The following CCDC190 variants were observed in gnomAD, a reference collection of about 807,000 sequenced individuals.
The protein encoded by CCDC190 is coiled-coil domain-containing protein 190.
A neutral mutation model predicts 13.1 loss-of-function variants in CCDC190; 10 were observed. The ratio of observed to expected loss-of-function variants is 0.77; its 90% CI spans 0.47 to 1.30. The LOEUF (loss-of-function observed/expected upper bound fraction) is 1.30, where lower values mean the gene tolerates loss of function less well. Ranked by LOEUF, CCDC190 falls within the 50% of genes most tolerant of loss-of-function variation. The probability of loss-of-function intolerance (pLI) is 0.00; values close to 1 mark genes in which losing one functional copy is unlikely to be tolerated. For missense variants in CCDC190, 375 were observed against 354.3 expected (o/e 1.06, Z -0.47); for synonymous variants, 136 against 127.2 (o/e 1.07, Z -0.47).
At chr1:162,857,330 T>G (rs1021562954) in intron 2 of CCDC190, among the ~76,000 whole-genome samples, 6 of 152,194 alleles carry the variant, frequency 3.9e-5, no homozygotes, top group African/African-American at 7.2e-5. Flanking sequence ...CAGAATTATC[T>G]TTTTAACATT....
intron 1 of CCDC190, among the ~76,000 whole-genome samples, 161 bp from the exon 2 acceptor site, chr1:162,859,819 C>T (rs972079913): frequency 6.6e-6 from 1 of 152,034 alleles, no homozygotes; most frequent in Admixed American, 6.6e-5. Context: ...TCCAGAGTAA[C>T]ACAGAAGGAT....
chr1:162,861,628 A>G (rs539318892), upstream of CCDC190, among the ~76,000 whole-genome samples: 59 of 152,304 alleles, frequency 3.9e-4, no homozygotes, highest in Non-Finnish European at 6.8e-4. Flanking sequence ...GCCTTTCCAC[A>G]TGCTCAGAGC....
Position 162,851,997 on chromosome 1 carries a change from T to G in CCDC190, c.*2768A>C, listed in dbSNP as rs1432041229. 1 of 152,204 alleles carries G rather than the reference T, an allele frequency of 6.6e-6. No individual in the cohort carries two copies. The highest frequency in any genetic ancestry group is 2.4e-5 in the African/African-American group (1 of 41,450). The allele number at this position is 152,204 out of a possible 1,614,324, so 9.4% of individuals were successfully genotyped here. A position where few individuals can be genotyped will look rare whatever the true frequency, so the allele number is the denominator to read the frequency against. On this transcript the variant is annotated 3_prime_UTR_variant, in exon 4 of 4. Coordinates refer to ENST00000367912, the MANE Select transcript of CCDC190 (RefSeq NM_001394065.1). ...CATTCTGGTATGGAGAAAGCTATTT[T>G]ACTTATCATGAGCCTCAATTTCTTT... is the stretch of plus-strand genomic sequence containing the variant.
In CCDC190 at chr1:162,852,900, G is replaced by C. The variant is rs1252130509; in HGVS notation, c.*1865C>G. 1.8e-6 allele frequency: 1 copy of C among 558,452 alleles called. No homozygotes were observed. The highest frequency in any genetic ancestry group is 2.3e-5 in the South Asian group (1 of 43,476). The allele number at this position is 558,452 out of a possible 1,614,324, so 34.6% of individuals were successfully genotyped here. A position where few individuals can be genotyped will look rare whatever the true frequency, so the allele number is the denominator to read the frequency against. ...TGTGATGACGATAGGCAAGGCTTGC[G>C]TAGAAGACAAGAAGAAAGAACTTTT... is the stretch of plus-strand genomic sequence containing the variant. On this transcript the variant is annotated 3_prime_UTR_variant, in exon 4 of 4. Transcript: ENST00000367912.
rs1465680248 is a variant in CCDC190 at position 162,851,718 on chromosome 1, A to T, written c.*3047T>A. 6.6e-6 allele frequency: 1 copy of T among 151,836 alleles called. No individual in the cohort carries two copies. The highest frequency in any genetic ancestry group is 1.5e-5 in the Non-Finnish European group (1 of 67,960). The allele number at this position is 151,836 out of a possible 1,614,324, so 9.4% of individuals were successfully genotyped here. On this transcript the variant is annotated 3_prime_UTR_variant, in exon 4 of 4. Coordinates refer to ENST00000367912, the MANE Select transcript of CCDC190 (RefSeq NM_001394065.1). ...TGGGGGAGGAAATGGGGAAGGGATC[A>T]TCTGTCCCCAGTACATCTCTGAATG...
chr1:162,856,393 G>A (rs1650303270), intron 2 of CCDC190, among the ~76,000 whole-genome samples: 1 of 152,132 alleles, frequency 6.6e-6, no homozygotes, highest in Admixed American at 6.5e-5. Context: ...GCCCCTGGAG[G>A]TTTCCTTTGA....
chr1:162,864,381 T>A (rs1650628452), upstream of CCDC190, among the ~76,000 whole-genome samples: 1 of 152,122 alleles, frequency 6.6e-6, no homozygotes, highest in Admixed American at 6.6e-5. Flanking sequence ...TAAAGGTAAT[T>A]CTTCAAGCAA....
At position 162,853,245 on chromosome 1, in the gene CCDC190, A is replaced by C; in HGVS notation, c.*1520T>G. 1 of 1,088,850 alleles carries C rather than the reference A, an allele frequency of 9.2e-7. No homozygotes were observed. Among genetic ancestry groups the C allele is most frequent in the Admixed American group, 2.8e-5 (1 of 35,602 alleles). 67.4% of individuals were successfully genotyped at this position (1,088,850 alleles called of 1,614,324 possible). On this transcript the variant is annotated 3_prime_UTR_variant, in exon 4 of 4. Coordinates refer to ENST00000367912, the MANE Select transcript of CCDC190 (RefSeq NM_001394065.1). ...TGTGGTGTAATGAAAGAGCATGAGCAAGGAAATTGAGTAGAAGAGAGATCA... is the reference window on the plus strand; with the variant it reads ...TGTGGTGTAATGAAAGAGCATGAGCCAGGAAATTGAGTAGAAGAGAGATCA...
In CCDC190 at chr1:162,854,468, G is replaced by A; in HGVS notation, c.*297C>T. ...TAGAGGAAACAGGAAGTCCCTGAAAGCAAGACTGTTACTGTTTTCCCAAGT... is the reference window on the plus strand; with the variant it reads ...TAGAGGAAACAGGAAGTCCCTGAAAACAAGACTGTTACTGTTTTCCCAAGT... On this transcript the variant is annotated 3_prime_UTR_variant, in exon 4 of 4. Transcript: ENST00000367912. 1 of 1,117,596 alleles carries A rather than the reference G, an allele frequency of 8.9e-7. No homozygotes were observed. Among genetic ancestry groups the A allele is most frequent in the Non-Finnish European group, 1.1e-6 (1 of 913,410 alleles). The allele number at this position is 1,117,596 out of a possible 1,614,324, so 69.2% of individuals were successfully genotyped here.
intron 3 of CCDC190, 109 bp from the exon 4 acceptor site, chr1:162,855,468 T>C (rs12036026): frequency 0.16 from 234,560 of 1,455,654 alleles, 20,471 homozygotes; most frequent in African/African-American, 0.22. Flanking sequence ...CAAGGTAATA[T>C]AGGTGGGAAT....
At position 162,859,038 on chromosome 1, in the gene CCDC190, A is replaced by C. The variant is rs564462887; in HGVS notation, c.187+422T>G. Among the ~76,000 whole-genome samples the C allele has an allele frequency of 2.0e-5, 3 of 152,292 alleles. No homozygotes were observed. The South Asian group carries it at 6.2e-4, about 32-fold the overall frequency. On this transcript the variant is annotated intron_variant, in intron 2 of 3. Coordinates refer to ENST00000367912, the MANE Select transcript of CCDC190 (RefSeq NM_001394065.1). ...TTTAACTTTCATAAAGTGGGCTAGG[A>C]CAGTGACTTGCACATGAGTAACTGC...
rs1419933980 is a variant in CCDC190 at position 162,852,567 on chromosome 1, A to T, written c.*2198T>A. 6.5e-6 allele frequency: 1 copy of T among 152,736 alleles called. No individual in the cohort carries two copies. Among genetic ancestry groups the T allele is most frequent in the Non-Finnish European group, 1.5e-5 (1 of 68,402 alleles). 9.5% of individuals were successfully genotyped at this position (152,736 alleles called of 1,614,324 possible). A position where few individuals can be genotyped will look rare whatever the true frequency, so the allele number is the denominator to read the frequency against. ...AGGTGGTTAGAAGATTTTTAAATGTATAATTTTTTGGCGATGCATGGAATA... is the reference window on the plus strand; with the variant it reads ...AGGTGGTTAGAAGATTTTTAAATGTTTAATTTTTTGGCGATGCATGGAATA... On this transcript the variant is annotated 3_prime_UTR_variant, in exon 4 of 4. Transcript: ENST00000367912.
intron 1 of CCDC190, 137 bp from the exon 2 acceptor site, chr1:162,859,795 T>C: frequency 3.1e-6 from 2 of 653,352 alleles, no homozygotes. Context: ...AATCACACTA[T>C]TGTTAAATGA....
At position 162,853,428 on chromosome 1, in the gene CCDC190, G is replaced by T. The variant is rs1421319896; in HGVS notation, c.*1337C>A. 1.3e-5 allele frequency among the ~76,000 whole-genome samples: 2 copies of T among 152,082 alleles called. No homozygotes were observed. The highest frequency in any genetic ancestry group is 3.8e-4 in the East Asian group (2 of 5,200). ...CTGTGTGGAATGTGTCAGGATAGGG[G>T]GAGGTACTGAAAAATAGGAGCTATT... is the stretch of plus-strand genomic sequence containing the variant. On this transcript the variant is annotated 3_prime_UTR_variant, in exon 4 of 4. Transcript: ENST00000367912.
In CCDC190 at chr1:162,854,614, T is replaced by C. The variant is rs565529537; in HGVS notation, c.*151A>G. The C allele has an allele frequency of 1.0e-3, 1,427 of 1,403,778 alleles. 2 individuals are homozygous for C. The highest frequency in any genetic ancestry group is 1.3e-3 in the Non-Finnish European group (1,384 of 1,081,146). The allele number at this position is 1,403,778 out of a possible 1,614,324, so 87.0% of individuals were successfully genotyped here. A position where few individuals can be genotyped will look rare whatever the true frequency, so the allele number is the denominator to read the frequency against. On this transcript the variant is annotated 3_prime_UTR_variant, in exon 4 of 4. Transcript: ENST00000367912. ...ATTAGCATTGTTCATTCAAGAAATA[T>C]TATATTCCCGGAAAATAATAGGGAG...
At chr1:162,860,859 G>A (rs115880251) in intron 1 of CCDC190, 149 bp downstream of exon 1, 2,552 of 217,096 alleles carry the variant, frequency 0.012, 67 homozygotes, top group African/African-American at 0.055. Flanking sequence ...ACTCGGCCGA[G>A]GTTTGGTGAT....
At chr1:162,864,292 T>C (rs932996136), upstream of CCDC190, among the ~76,000 whole-genome samples, 16 of 152,080 alleles carry the variant, frequency 1.1e-4, no homozygotes, top group Admixed American at 6.6e-4. Context: ...CTTCAAGAGT[T>C]AAGGAAAATT....
chr1:162,863,380 A>G (rs1390419598), upstream of CCDC190, among the ~76,000 whole-genome samples: 2 of 152,220 alleles, frequency 1.3e-5, no homozygotes, highest in African/African-American at 2.4e-5. Flanking sequence ...AATTTAAAGT[A>G]ATTCATGTAT....
rs368605278 is a variant in CCDC190, at chr1:162,855,301, A to C, written c.370T>G (p.Ser124Ala). ...GGGTCTTTGAGGCCAGCATCATGTGAAGGAGGCACCTGGGACTTGCTTTTG... is the reference window on the plus strand; with the variant it reads ...GGGTCTTTGAGGCCAGCATCATGTGCAGGAGGCACCTGGGACTTGCTTTTG... ...TCKSKSQVPP[S>A]HDAGLKDPMK... is the part of the protein sequence containing the mutation. Residue 124 changes from serine (S) to alanine (A), a missense_variant, in exon 4 of 4, where the codon TCA becomes GCA. Ser to Ala is a moderately conservative substitution (Grantham distance 99, BLOSUM62 1). Transcript: ENST00000367912. The C allele has an allele frequency of 3.0e-5, 48 of 1,613,298 alleles. No homozygotes were observed. Among genetic ancestry groups the C allele is most frequent in the Non-Finnish European group, 3.9e-5 (46 of 1,179,842 alleles).
Sources: gnomAD v4.1 joint callset for allele counts (sites outside exome capture counted in the v4.1 genomes callset) on GRCh38, gnomAD v4.1.1 for gene constraint, MANE v1.5 for transcripts, NCBI Gene and HGNC (gene_info 2026-07-23, HGNC 2026-07-21) for gene names.